ZNF544: variants seen among roughly 807,000 people sequenced by gnomAD.
ZNF544 encodes zinc finger protein AF020591.
In ZNF544, 10 loss-of-function variants were observed where a neutral mutation model predicts 13.5. That is an observed-to-expected ratio of 0.74 (90% CI 0.46 to 1.25). The LOEUF is 1.25. Among genes scored for constraint, ZNF544 ranks in the 50% most tolerant of loss-of-function variants. The pLI is 0.00. For missense variants in ZNF544, 896 were observed against 845.6 expected (o/e 1.06, Z -0.74); for synonymous variants, 323 against 300.5 (o/e 1.07, Z -0.77).
At chr19:58,255,847 T>C (rs2047198026) in intron 6 of ZNF544, among the ~76,000 whole-genome samples, 1 of 152,214 alleles carries the variant, frequency 6.6e-6, no homozygotes, top group African/African-American at 2.4e-5. Context: ...GCAGGGCAGC[T>C]ATCCCCATTT....
chr19:58,262,770 G>A lies in ZNF544; in HGVS notation c.*16G>A, dbSNP rs940382948. On this transcript the variant is annotated 3_prime_UTR_variant, in exon 7 of 7. Transcript: ENST00000687789. ...GAAACCTTAGGAGTGCAGTCATTGT[G>A]GGAAAGCTTTCATCCAGAGGTCTCC... 4 of 1,572,660 alleles carry A rather than the reference G, an allele frequency of 2.5e-6. No individual in the cohort carries two copies. The highest frequency in any genetic ancestry group is 3.5e-6 in the Non-Finnish European group (4 of 1,158,040).
intron 6 of ZNF544, among the ~76,000 whole-genome samples, chr19:58,255,995 C>G (rs1249782001): frequency 6.6e-6 from 1 of 152,214 alleles, no homozygotes; most frequent in Admixed American, 6.5e-5. Flanking sequence ...TTCACCCGAA[C>G]TGGGTGGTAG....
rs775872193 is a variant in ZNF544, at chr19:58,262,123, A to T, written c.1517A>T (p.Asp506Val). 1.2e-6 allele frequency: 2 copies of T among 1,612,178 alleles called. No homozygotes were observed. The highest frequency in any genetic ancestry group is 2.7e-5 in the African/African-American group (2 of 74,160). Residue 506 changes from aspartate (D) to valine (V), a missense_variant, in exon 7 of 7, where the codon GAC becomes GTC. Physicochemically the swap from Asp to Val is radical, Grantham distance 152 (BLOSUM62 -3). Coordinates refer to ENST00000687789, the MANE Select transcript of ZNF544 (RefSeq NM_014480.4). ...GGGAAATCTTTCAGCCAGAAGTATG[A>T]CCTTGTTGTACATCAGAGGACACAC... ...QCGKSFSQKYDLVVHQRTHTG... is the reference protein window; with the variant it reads ...QCGKSFSQKYVLVVHQRTHTG...
At chr19:58,272,091 T>C (rs973890285) in intron 5 of ZNF544, among the ~76,000 whole-genome samples, 6 of 149,374 alleles carry the variant, frequency 4.0e-5, no homozygotes, top group East Asian at 2.0e-4. Flanking sequence ...AACCCGGGAG[T>C]TGGAGATTGC....
chr19:58,260,684 A>G (rs888663881), intron 6 of ZNF544, 167 bp from the exon 7 acceptor site: 2 of 624,960 alleles, frequency 3.2e-6, no homozygotes, highest in South Asian at 2.2e-5. Context: ...CACTGATACC[A>G]TGTTTGCTGA....
At chr19:58,234,575 A>G (rs915657958) in intron 3 of ZNF544, among the ~76,000 whole-genome samples, 14 of 152,354 alleles carry the variant, frequency 9.2e-5, no homozygotes, top group African/African-American at 3.4e-4. Flanking sequence ...CTGTGTTAGG[A>G]TAGCTCAAGG....
intron 6 of ZNF544, among the ~76,000 whole-genome samples, chr19:58,250,815 G>T (rs183404478): frequency 2.6e-5 from 4 of 152,300 alleles, no homozygotes; most frequent in Admixed American, 2.0e-4. Flanking sequence ...GCTGGGATTG[G>T]GGTGGTAGTG....
At chr19:58,249,129 T>C (rs1302760288) in intron 6 of ZNF544, among the ~76,000 whole-genome samples, 1 of 152,164 alleles carries the variant, frequency 6.6e-6, no homozygotes, top group Non-Finnish European at 1.5e-5. Flanking sequence ...ATGGAAAGTT[T>C]GGGTTTTCCT....
At chr19:58,247,172 A>G (rs2045417676) in intron 6 of ZNF544, 1 of 156,224 alleles carries the variant, frequency 6.4e-6, no homozygotes, top group African/African-American at 2.4e-5. Context: ...TATAGCCCCC[A>G]TCTCCCTGGC....
At chr19:58,243,886 C>G (rs745488815) in intron 3 of ZNF544, 79 bp from the exon 4 acceptor site, 1 of 1,214,204 alleles carries the variant, frequency 8.2e-7, no homozygotes, top group South Asian at 1.7e-5. Flanking sequence ...TGGCCGGCCC[C>G]GCGTTCTCTA....
chr19:58,234,915 A>G (rs971276106), intron 3 of ZNF544, among the ~76,000 whole-genome samples: 9 of 152,262 alleles, frequency 5.9e-5, no homozygotes, highest in African/African-American at 2.2e-4. Flanking sequence ...TGTTTACATT[A>G]TAATCACATT....
chr19:58,261,661 A>G lies in ZNF544; in HGVS notation c.1055A>G (p.Lys352Arg), dbSNP rs1425432415. 6.2e-7 allele frequency: 1 copy of G among 1,614,220 alleles called. No individual in the cohort carries two copies. The highest frequency in any genetic ancestry group is 8.5e-7 in the Non-Finnish European group (1 of 1,180,040). ...TGTAACATCATTCAGACTACAGAGAAGCCATCTGTGTGTAATCAGTGTGGA... is the reference window on the plus strand; with the variant it reads ...TGTAACATCATTCAGACTACAGAGAGGCCATCTGTGTGTAATCAGTGTGGA... ...SDCNIIQTTEKPSVCNQCGKS... is the reference protein window; with the variant it reads ...SDCNIIQTTERPSVCNQCGKS... The change falls in exon 7 of 7, where the codon AAG becomes AGG. Residue 352 changes from lysine to arginine, a missense_variant. By Grantham distance (26) the Lys-to-Arg change is conservative. Coordinates refer to ENST00000687789, the MANE Select transcript of ZNF544 (RefSeq NM_014480.4).
At position 58,263,008 on chromosome 19, in the gene ZNF544, T is replaced by C. The variant is rs2049319067; in HGVS notation, c.*254T>C. 1.6e-6 allele frequency: 2 copies of C among 1,241,720 alleles called. No individual in the cohort carries two copies. The highest frequency in any genetic ancestry group is 2.0e-6 in the Non-Finnish European group (2 of 987,896). The allele number at this position is 1,241,720 out of a possible 1,614,324, so 76.9% of individuals were successfully genotyped here. Reference sequence around the variant, plus strand: ...GAGGCAAACCCTATGAATGTGACCATTGCGAGAAAGCCTTTAGCCAACGGT... The same window carrying C: ...GAGGCAAACCCTATGAATGTGACCACTGCGAGAAAGCCTTTAGCCAACGGT... On this transcript the variant is annotated 3_prime_UTR_variant, in exon 7 of 7. Transcript: ENST00000687789.
At chr19:58,237,577 C>T (rs376175104) in intron 3 of ZNF544, among the ~76,000 whole-genome samples, 54 of 152,352 alleles carry the variant, frequency 3.5e-4, no homozygotes, top group Admixed American at 3.1e-3. Context: ...GCCAGCGGTC[C>T]GAGGGGCCCT....
intron 3 of ZNF544, among the ~76,000 whole-genome samples, chr19:58,241,162 A>ATATATATATATATATATTTAAAT (rs1568460699): frequency 3.4e-5 from 3 of 89,312 alleles, no homozygotes; most frequent in Non-Finnish European, 6.0e-5. Flanking sequence ...TATATATTTA[A>ATATATATATATATATATTTAAAT]ATATATATAT....
At chr19:58,273,630 C>T (rs1229805365) in intron 5 of ZNF544, among the ~76,000 whole-genome samples, 1 of 147,772 alleles carries the variant, frequency 6.8e-6, no homozygotes, top group Non-Finnish European at 1.5e-5. Flanking sequence ...GTGGAGATTG[C>T]AGTGGGCCGA....
intron 3 of ZNF544, among the ~76,000 whole-genome samples, chr19:58,235,706 A>G (rs1287792657): frequency 6.6e-6 from 1 of 152,256 alleles, no homozygotes; most frequent in Non-Finnish European, 1.5e-5. Context: ...CATGACAAAT[A>G]TATACAGTTT....
At chr19:58,241,149 ATATATATAT>A (rs1481791614) in intron 3 of ZNF544, among the ~76,000 whole-genome samples, 1 of 118,970 alleles carries the variant, frequency 8.4e-6, no homozygotes, top group Non-Finnish European at 1.7e-5. Flanking sequence ...TTTAAAATAT[ATATATATAT>A]TTAAATATAT....
In ZNF544 at chr19:58,241,179, A is replaced by ATTTAAATATATATATATATAT. The variant is rs2043690583; in HGVS notation, c.-59-2783_-59-2782insAAATATATATATATATATTTT. ...TATATTTAAATATATATATATATAT[A>ATTTAAATATATATATATATAT]TTTTTTTTTTTTTGTAGAGATAGGG... On this transcript the variant is annotated intron_variant, in intron 3 of 6. Coordinates refer to ENST00000687789, the MANE Select transcript of ZNF544 (RefSeq NM_014480.4). Among the ~76,000 whole-genome samples, 29 of 72,764 alleles carry ATTTAAATATATATATATATAT rather than the reference A, an allele frequency of 4.0e-4. 1 individual carries two copies. The highest frequency in any genetic ancestry group is 7.5e-4 in the South Asian group (2 of 2,680). The allele number at this position is 72,764 out of a possible 152,430, so 47.7% of individuals were successfully genotyped here.
Sources: allele counts gnomAD v4.1 joint callset (sites outside exome capture counted in the v4.1 genomes callset), GRCh38; gene constraint gnomAD v4.1.1; transcripts MANE v1.5; gene names NCBI Gene and HGNC (gene_info 2026-07-23, HGNC 2026-07-21).